Variants in PPP1R16A observed in about 807,000 individuals in gnomAD.
PPP1R16A encodes myosin phosphatase-targeting subunit 3.
In PPP1R16A, 39 loss-of-function variants were observed where a neutral mutation model predicts 46.6. That is an observed-to-expected ratio of 0.84 (90% CI 0.65 to 1.09). The LOEUF (loss-of-function observed/expected upper bound fraction) is 1.09. PPP1R16A is among the 50% of genes least tolerant of loss of function. The pLI is 0.00. For synonymous variants in PPP1R16A, 413 were observed against 321.5 expected (o/e 1.28, Z -3.04); for missense variants, 798 against 735.6 (o/e 1.08, Z -0.98).
At position 144,496,599 on chromosome 8, in the gene PPP1R16A, TC is replaced by T; in HGVS notation, c.-591del. 6.3e-6 allele frequency: 1 copy of T among 159,572 alleles called. No individual in the cohort carries two copies. The highest frequency in any genetic ancestry group is 1.4e-5 in the Non-Finnish European group (1 of 71,904). 9.9% of individuals were successfully genotyped at this position (159,572 alleles called of 1,614,324 possible). A position where few individuals can be genotyped will look rare whatever the true frequency, so the allele number is the denominator to read the frequency against. On this transcript the variant is annotated 5_prime_UTR_variant, in exon 3 of 12. Coordinates refer to ENST00000435887, the MANE Select transcript of PPP1R16A (RefSeq NM_001329443.2). ...ACTCCAGGACTCTGACTACCTGCCC[TC>T]CCCCAGCCTCAGCGGCTGCACCTCC...
chr8:144,498,774 C>A lies in PPP1R16A; in HGVS notation c.264C>A (p.Arg88=). 6.3e-7 allele frequency: 1 copy of A among 1,584,106 alleles called. No individual in the cohort carries two copies. The highest frequency in any genetic ancestry group is 8.6e-7 in the Non-Finnish European group (1 of 1,159,240). ...CACCTCGCCACCTTTTTGCAGTCCG[C>A]CAGTTCCTTGGGAGTGGGGTCAGCC... ...AAARNDLEEV[R]QFLGSGVSPD... Residue 88 remains arginine, a synonymous_variant, in exon 4 of 12, where the codon CGC becomes CGA. Coordinates refer to ENST00000435887, the MANE Select transcript of PPP1R16A (RefSeq NM_001329443.2).
At chr8:144,498,004 G>A (rs759145030) in intron 3 of PPP1R16A, 2 of 455,818 alleles carry the variant, frequency 4.4e-6, no homozygotes, top group South Asian at 1.5e-5. Context: ...AGCCCCAGCT[G>A]TGTGGGTTCC....
rs775328856 is a variant in PPP1R16A, at chr8:144,497,261, C to A, written c.67C>A (p.Leu23Met). The change falls in exon 3 of 12, where the codon CTG becomes ATG. Residue 23 changes from leucine to methionine, a missense_variant. Leu to Met is a conservative substitution (Grantham distance 15, BLOSUM62 2). Transcript: ENST00000435887. ...MVGRMSTQER[L>M]KHAQKRRAQQ... ...GGGCAGGATGAGCACACAGGAGCGG[C>A]TGAAGCATGCCCAGAAGCGGCGCGC... is the stretch of plus-strand genomic sequence containing the variant. 1.1e-5 allele frequency: 17 copies of A among 1,609,304 alleles called. No homozygotes were observed.
Position 144,493,030 on chromosome 8 carries a change from C to G in PPP1R16A, c.-735+2818C>G, listed in dbSNP as rs1167719104. Among the ~76,000 whole-genome samples, 1 of 152,114 alleles carries G rather than the reference C, an allele frequency of 6.6e-6. No individual in the cohort carries two copies. Among genetic ancestry groups the G allele is most frequent in the Non-Finnish European group, 1.5e-5 (1 of 67,996 alleles). ...ATGGGGTGATGGCAGGTGCCTGAGG[C>G]AGTGATGGGAGTAGAGAGGGCACTG... On this transcript the variant is annotated intron_variant, in intron 2 of 11. Coordinates refer to ENST00000435887, the MANE Select transcript of PPP1R16A (RefSeq NM_001329443.2). This position sits in a 1 kb window ranked among gnomAD's most constrained non-coding sequence, Gnocchi z 4.3.
At chr8:144,497,835 C>T (rs1826161139) in intron 3 of PPP1R16A, 2 of 379,718 alleles carry the variant, frequency 5.3e-6, no homozygotes, top group African/African-American at 4.2e-5. Flanking sequence ...CAGGAGAGCC[C>T]TGGTCTCCAC....
chr8:144,501,676 CACACCCTGGCTGACCT>C lies in PPP1R16A; in HGVS notation c.1361_1376del (p.His454ArgfsTer33), dbSNP rs1171672001. 1.2e-6 allele frequency: 2 copies of C among 1,608,844 alleles called. No individual in the cohort carries two copies. The highest frequency in any genetic ancestry group is 2.2e-5 in the South Asian group (2 of 90,160). On this transcript the variant is annotated frameshift_variant, in exon 12 of 12. Transcript: ENST00000435887. LOFTEE classifies it low-confidence loss of function (END_TRUNC). The stretch of plus-strand genomic sequence containing the variant: ...CACCCTGGTCCACGACAAGGCCCAC[CACACCCTGGCTGACCT>C]GAAGCGCCAGCGAGCTGCTGCCAAG...
intron 2 of PPP1R16A, chr8:144,495,609 T>G (rs914333910): frequency 2.0e-5 from 3 of 152,202 alleles, no homozygotes; most frequent in African/African-American, 4.8e-5. Context: ...CTATTTTTTT[T>G]GTATTTTTAG....
chr8:144,487,612 C>T (rs1825667251), intron 1 of PPP1R16A, among the ~76,000 whole-genome samples: 1 of 152,182 alleles, frequency 6.6e-6, no homozygotes, highest in Non-Finnish European at 1.5e-5. Context: ...TCAAGTGATC[C>T]TCCTGCCTCG....
intron 11 of PPP1R16A, 87 bp downstream of exon 11, chr8:144,501,381 G>C: frequency 6.7e-7 from 1 of 1,491,852 alleles, no homozygotes; most frequent in South Asian, 1.3e-5. Flanking sequence ...CCTCCTGCCT[G>C]TGTCAGGAAT....
intron 2 of PPP1R16A, among the ~76,000 whole-genome samples, chr8:144,491,826 G>A (rs552042420): frequency 6.6e-6 from 1 of 152,054 alleles, no homozygotes; most frequent in East Asian, 1.9e-4. Context: ...CAGCTACGTG[G>A]GAGGCCAAGG....
chr8:144,498,893 C>T (rs199776705), intron 4 of PPP1R16A, 23 bp from the exon 5 acceptor site: 36 of 1,612,492 alleles, frequency 2.2e-5, no homozygotes, highest in East Asian at 2.2e-4. Context: ...GTGCTCTGGT[C>T]GCTCACGTGG....
At position 144,500,892 on chromosome 8, in the gene PPP1R16A, A is replaced by G. The variant is rs766585665; in HGVS notation, c.958A>G (p.Lys320Glu). 1.9e-6 allele frequency: 3 copies of G among 1,549,108 alleles called. No individual in the cohort carries two copies. The East Asian group carries it at 7.4e-5, about 38-fold the overall frequency. Reference sequence around the variant, plus strand: ...GGCCAAGCTGCTGGAGCTGAAGCACAAGCACGACGCCCTCCTGCGCGCCCA... The same window carrying G: ...GGCCAAGCTGCTGGAGCTGAAGCACGAGCACGACGCCCTCCTGCGCGCCCA... ...VRAKLLELKH[K>E]HDALLRAQSR... The change falls in exon 10 of 12, where the codon AAG (lysine) becomes GAG (glutamate). Residue 320 changes from lysine to glutamate, a missense_variant. Transcript: ENST00000435887.
chr8:144,479,450 CTGAT>C lies in PPP1R16A; in HGVS notation c.-914+1326_-914+1329del, dbSNP rs146524064. Reference sequence around the variant, plus strand: ...TTGGCTGGGGCCATCCCTCGTGTCTCTGATTGGCCTGTCCTGGCCTCATCCCTCA... The same window carrying C: ...TTGGCTGGGGCCATCCCTCGTGTCTCTGGCCTGTCCTGGCCTCATCCCTCA... On this transcript the variant is annotated intron_variant, in intron 1 of 11. Coordinates refer to ENST00000435887, the MANE Select transcript of PPP1R16A (RefSeq NM_001329443.2). Among the ~76,000 whole-genome samples the C allele has an allele frequency of 6.6e-5, 10 of 152,330 alleles. No individual in the cohort carries two copies. In the East Asian group the frequency reaches 1.5e-3, roughly 23 times the overall value.
Position 144,493,393 on chromosome 8 carries a change from T to A in PPP1R16A, c.-734-3068T>A, listed in dbSNP as rs1016588440. ...GCCCAGCCCCCTCAGCCTGGGTGTG[T>A]CCATTTGGTGGGACTACGAGCTGGC... is the stretch of plus-strand genomic sequence containing the variant. On this transcript the variant is annotated intron_variant, in intron 2 of 11. Coordinates refer to ENST00000435887, the MANE Select transcript of PPP1R16A (RefSeq NM_001329443.2). This position sits in a 1 kb window ranked among gnomAD's most constrained non-coding sequence, Gnocchi z 4.3. Among the ~76,000 whole-genome samples, 1 of 152,062 alleles carries A rather than the reference T, an allele frequency of 6.6e-6. No individual in the cohort carries two copies. The highest frequency in any genetic ancestry group is 1.5e-5 in the Non-Finnish European group (1 of 67,960).
In PPP1R16A at chr8:144,496,956, G is replaced by T; in HGVS notation, c.-239G>T. 1.7e-6 allele frequency: 1 copy of T among 597,866 alleles called. No individual in the cohort carries two copies. The highest frequency in any genetic ancestry group is 3.0e-6 in the Non-Finnish European group (1 of 337,398). 37.0% of individuals were successfully genotyped at this position (597,866 alleles called of 1,614,324 possible). ...GTCGACAGCTAGAGGCTGGCCTGGG[G>T]AGCAGGTTTGGGGTGCCCTCCCACA... On this transcript the variant is annotated 5_prime_UTR_variant, in exon 3 of 12. Coordinates refer to ENST00000435887, the MANE Select transcript of PPP1R16A (RefSeq NM_001329443.2).
At position 144,500,256 on chromosome 8, in the gene PPP1R16A, C is replaced by A. The variant is rs140441371; in HGVS notation, c.581-11C>A. The A allele has an allele frequency of 8.3e-6, 13 of 1,562,740 alleles. No individual in the cohort carries two copies. The African/African-American group carries it at 1.6e-4, about 20-fold the overall frequency. On this transcript the variant is annotated splice_polypyrimidine_tract_variant and intron_variant, in intron 6 of 11. Transcript: ENST00000435887. ...GCCGGTCGCGCTCCCTCTGAGCCTG[C>A]CGCCTCGCAGGCATCACCCAGGACA...
Position 144,498,652 on chromosome 8 carries a change from G to A in PPP1R16A, c.260-118G>A, listed in dbSNP as rs1372096949. 206 of 1,001,602 alleles carry A rather than the reference G, an allele frequency of 2.1e-4. 2 individuals are homozygous for A. The highest frequency in any genetic ancestry group is 1.9e-5 in the Non-Finnish European group (13 of 694,854). The allele number at this position is 1,001,602 out of a possible 1,614,324, so 62.0% of individuals were successfully genotyped here. The stretch of plus-strand genomic sequence containing the variant: ...TGCCCCCACCCCTGGGCTCTGGTGT[G>A]CCTCCTGCCATCGGCACCACTGTCT... On this transcript the variant is annotated intron_variant, in intron 3 of 11. Coordinates refer to ENST00000435887, the MANE Select transcript of PPP1R16A (RefSeq NM_001329443.2).
In PPP1R16A at chr8:144,501,876, G is replaced by C; in HGVS notation, c.1560G>C (p.Glu520Asp). 3 of 1,538,772 alleles carry C rather than the reference G, an allele frequency of 1.9e-6. No individual in the cohort carries two copies. The highest frequency in any genetic ancestry group is 2.6e-6 in the Non-Finnish European group (3 of 1,142,922). The change falls in exon 12 of 12, where the codon GAG becomes GAC. Residue 520 changes from glutamate to aspartate, a missense_variant. By Grantham distance (45) the Glu-to-Asp change is conservative. Transcript: ENST00000435887. ...LTAPAVEAPVERRPCCLLM is the reference protein window; with the variant it reads ...LTAPAVEAPVDRRPCCLLM The stretch of plus-strand genomic sequence containing the variant: ...CCCCGGCGGTGGAGGCTCCCGTGGA[G>C]AGGAGGCCGTGCTGCCTGCTCATGT...
In PPP1R16A at chr8:144,487,799, C is replaced by T. The variant is rs865855970; in HGVS notation, c.-913-2235C>T. On this transcript the variant is annotated intron_variant, in intron 1 of 11. Coordinates refer to ENST00000435887, the MANE Select transcript of PPP1R16A (RefSeq NM_001329443.2). ...AGTGTAAGTACTTCAAATTTGTTCT[C>T]TTTCAGGCTTATCCCTAGTGTTCTT... Among the ~76,000 whole-genome samples, 7 of 152,292 alleles carry T rather than the reference C, an allele frequency of 4.6e-5. No individual in the cohort carries two copies. The Middle Eastern group carries it at 0.01, about 222-fold the overall frequency.
Sources: allele counts gnomAD v4.1 joint callset (sites outside exome capture counted in the v4.1 genomes callset), GRCh38; gene constraint gnomAD v4.1.1; non-coding constraint Gnocchi (gnomAD v3.1); transcripts MANE v1.5; gene names NCBI Gene and HGNC (gene_info 2026-07-23, HGNC 2026-07-21).